Variants in KLHL1 observed in about 807,000 individuals in gnomAD.
The protein encoded by KLHL1 is kelch-like protein 1.
Under a neutral mutation model 77.7 loss-of-function variants are expected in KLHL1, and 47 were observed. The observed-to-expected ratio is 0.60, with a 90% CI of 0.48 to 0.77. The LOEUF is 0.77. KLHL1 is among the 30% of genes least tolerant of loss of function. KLHL1 has a pLI of 0.00. For synonymous variants in KLHL1, 360 were observed against 325.2 expected, an observed-to-expected ratio of 1.11 and a Z score of -1.15; for missense variants, 925 against 910.8, an observed-to-expected ratio of 1.02 and a Z score of -0.20.
chr13:69,775,678 C>T (rs1593817334), intron 7 of KLHL1, among the ~76,000 whole-genome samples: 2 of 151,174 alleles, frequency 1.3e-5, no homozygotes, highest in Non-Finnish European at 1.5e-5. Context: ...CTGTATTTTT[C>T]CTGAATGCCT....
At chr13:69,955,422 T>A (rs1593984079) in intron 3 of KLHL1, among the ~76,000 whole-genome samples, 1 of 151,388 alleles carries the variant, frequency 6.6e-6, no homozygotes, top group East Asian at 1.9e-4. Context: ...ATTAAAGGTC[T>A]GCCATTTGGC....
chr13:69,805,472 C>G (rs1411447739), intron 6 of KLHL1, among the ~76,000 whole-genome samples: 3 of 151,632 alleles, frequency 2.0e-5, no homozygotes, highest in Non-Finnish European at 4.4e-5. Context: ...ACCTTAATAA[C>G]TAAAAATTTT....
intron 1 of KLHL1, among the ~76,000 whole-genome samples, chr13:70,086,883 G>A (rs185201005): frequency 6.6e-6 from 1 of 151,868 alleles, no homozygotes; most frequent in African/African-American, 2.4e-5. Context: ...AGCAGGTGTC[G>A]AATAGGATAC....
intron 10 of KLHL1, 67 bp downstream of exon 10, chr13:69,707,558 T>G (rs1026951483): frequency 8.5e-5 from 124 of 1,454,138 alleles, no homozygotes; most frequent in Non-Finnish European, 2.3e-5. Context: ...TGTATACCCC[T>G]CCTCCACAGA....
At chr13:69,917,869 T>A (rs1284900517) in intron 4 of KLHL1, among the ~76,000 whole-genome samples, 2 of 151,808 alleles carry the variant, frequency 1.3e-5, no homozygotes, top group African/African-American at 4.8e-5. Context: ...ATGCGAAGTT[T>A]GCTGATAGCT....
At position 69,832,400 on chromosome 13, in the gene KLHL1, G is replaced by A. The variant is rs1350178840; in HGVS notation, c.1414+6576C>T. On this transcript the variant is annotated intron_variant, in intron 6 of 10. Coordinates refer to ENST00000377844, the MANE Select transcript of KLHL1 (RefSeq NM_020866.3). ...ATTCAGGAATATACCTAAGCAAGGA[G>A]GTGAAAGACTCTGCATGGAAAACTA... Among the ~76,000 whole-genome samples the A allele has an allele frequency of 2.0e-5, 3 of 149,636 alleles. 1 individual carries two copies. The highest frequency in any genetic ancestry group is 7.5e-5 in the African/African-American group (3 of 39,800).
At chr13:69,809,511 G>A (rs1291967732) in intron 6 of KLHL1, among the ~76,000 whole-genome samples, 1 of 152,086 alleles carries the variant, frequency 6.6e-6, no homozygotes, top group Non-Finnish European at 1.5e-5. Flanking sequence ...CAATCAATAA[G>A]AGAATTAATC....
At chr13:69,708,328 G>A (rs778553762) in intron 9 of KLHL1, among the ~76,000 whole-genome samples, 6 of 152,008 alleles carry the variant, frequency 3.9e-5, no homozygotes, top group Admixed American at 6.6e-5. Context: ...TTTAATGCAT[G>A]GTCCGCTTTG....
intron 6 of KLHL1, among the ~76,000 whole-genome samples, chr13:69,837,022 A>G (rs1222326877): frequency 6.6e-6 from 1 of 152,012 alleles, no homozygotes; most frequent in African/African-American, 2.4e-5. Context: ...GACTCTTTAT[A>G]TTTTGTTATG....
chr13:69,839,306 C>G, intron 5 of KLHL1, 144 bp from the exon 6 acceptor site: 1 of 464,230 alleles, frequency 2.2e-6, no homozygotes, highest in East Asian at 3.3e-5. Flanking sequence ...ATTACAGTAA[C>G]AAATAAAAAT....
intron 1 of KLHL1, among the ~76,000 whole-genome samples, chr13:70,057,539 G>A (rs1272836103): frequency 1.4e-5 from 2 of 147,910 alleles, no homozygotes; most frequent in African/African-American, 2.5e-5. Flanking sequence ...CACTTTGGGA[G>A]GCCGAGGCGG....
intron 4 of KLHL1, among the ~76,000 whole-genome samples, chr13:69,919,487 A>C (rs551704433): frequency 6.6e-6 from 1 of 152,256 alleles, no homozygotes; most frequent in African/African-American, 2.4e-5. Context: ...TTCAGCTCAG[A>C]AATGGTTGAG....
chr13:69,872,606 C>A lies in KLHL1; in HGVS notation c.1227+9677G>T, dbSNP rs530684933. ...CTCCCCTCTCTATCACCCCATAAAA[C>A]CCTCCCGTCACTTTCTCTTGGGGAG... is the stretch of plus-strand genomic sequence containing the variant. On this transcript the variant is annotated intron_variant, in intron 5 of 10. Transcript: ENST00000377844. Among the ~76,000 whole-genome samples, 11 of 152,278 alleles carry A rather than the reference C, an allele frequency of 7.2e-5. No homozygotes were observed. The East Asian group carries it at 1.9e-3, about 27-fold the overall frequency.
At chr13:69,721,289 C>G (rs927960517) in intron 8 of KLHL1, among the ~76,000 whole-genome samples, 1 of 148,748 alleles carries the variant, frequency 6.7e-6, no homozygotes, top group African/African-American at 2.5e-5. Flanking sequence ...TTCCACCTTT[C>G]CGGAAGGAAC....
At chr13:69,712,755 T>G (rs1875934238) in intron 9 of KLHL1, among the ~76,000 whole-genome samples, 1 of 72,114 alleles carries the variant, frequency 1.4e-5, no homozygotes, top group Admixed American at 1.8e-4. Flanking sequence ...TTTTGTTTGT[T>G]TTTTGTTTTT....
Position 69,975,692 on chromosome 13 carries a change from TC to T in KLHL1, c.607del (p.Glu203LysfsTer4). On this transcript the variant is annotated frameshift_variant, in exon 2 of 11. Transcript: ENST00000377844. LOFTEE classifies it high-confidence loss of function. ...AAGTTGCTGCTGCTTCAAATAACTT[TC>T]CATCTTTCTGAAGGTTTGCTCAGCA... ...HHAEQTFRKM[E>X]SYLKQQQLCD... The T allele has an allele frequency of 6.2e-7, 1 of 1,613,764 alleles. No homozygotes were observed. The highest frequency in any genetic ancestry group is 8.5e-7 in the Non-Finnish European group (1 of 1,179,830).
At chr13:69,902,875 T>C (rs765655260) in intron 4 of KLHL1, among the ~76,000 whole-genome samples, 4 of 152,146 alleles carry the variant, frequency 2.6e-5, no homozygotes, top group African/African-American at 4.8e-5. Flanking sequence ...CTGCACGTTG[T>C]GCACATGTAC....
In KLHL1 at chr13:69,870,169, A is replaced by G. The variant is rs190368735; in HGVS notation, c.1227+12114T>C. 3.0e-4 allele frequency among the ~76,000 whole-genome samples: 45 copies of G among 152,286 alleles called. No individual in the cohort carries two copies. The East Asian group carries it at 6.8e-3, about 23-fold the overall frequency. ...CTGCACACTTTACAAGAGGCATGGC[A>G]TGAGCATCTGCTTTAGGTAAGTCTC... is the stretch of plus-strand genomic sequence containing the variant. On this transcript the variant is annotated intron_variant, in intron 5 of 10. Transcript: ENST00000377844.
intron 1 of KLHL1, among the ~76,000 whole-genome samples, chr13:70,066,152 C>T (rs111927885): frequency 3.3e-5 from 5 of 152,276 alleles, no homozygotes; most frequent in African/African-American, 9.6e-5. Context: ...GGTTTACCAG[C>T]TGTGCTTTTT....
Sources: gnomAD v4.1 joint callset for allele counts (sites outside exome capture counted in the v4.1 genomes callset) on GRCh38, gnomAD v4.1.1 for gene constraint, MANE v1.5 for transcripts, NCBI Gene and HGNC (gene_info 2026-07-23, HGNC 2026-07-21) for gene names.